TYW5: variants seen among roughly 807,000 people sequenced by gnomAD.
TYW5 encodes the protein tRNA-yW synthesizing protein 5.
A neutral mutation model predicts 44.4 loss-of-function variants in TYW5; 36 were observed. The ratio of observed to expected loss-of-function variants is 0.81; its 90% confidence interval spans 0.62 to 1.07. The LOEUF (loss-of-function observed/expected upper bound fraction) is 1.07, where lower values mean the gene tolerates loss of function less well. TYW5 is among the 50% of genes least tolerant of loss of function. TYW5 has a pLI of 0.00. For missense variants in TYW5, 354 were observed against 365.7 expected (o/e 0.97, Z 0.26); for synonymous variants, 121 against 128.1 (o/e 0.94, Z 0.37).
chr2:199,935,004 T>A (rs975887131), intron 7 of TYW5, among the ~76,000 whole-genome samples: 1 of 151,952 alleles, frequency 6.6e-6, no homozygotes, highest in Non-Finnish European at 1.5e-5. Flanking sequence ...AAGATACTTA[T>A]CATTTTTTTT....
rs1194272334 is a variant in TYW5, at chr2:199,948,150, T to G, written c.233+168A>C. On this transcript the variant is annotated intron_variant, in intron 2 of 7. Transcript: ENST00000354611. ...CTGTATAATTATGTAAACTCAGAAC[T>G]CTTGTCTTTTAAAAACCACTCTTTA... is the stretch of plus-strand genomic sequence containing the variant. 2.2e-5 allele frequency: 14 copies of G among 639,750 alleles called. No individual in the cohort carries two copies. In the East Asian group the frequency reaches 3.9e-4, roughly 18 times the overall value. 39.6% of individuals were successfully genotyped at this position (639,750 alleles called of 1,614,324 possible).
rs2077382370 is a variant in TYW5 at position 199,932,045 on chromosome 2, C to G, written c.*1022G>C. On this transcript the variant is annotated 3_prime_UTR_variant, in exon 8 of 8. Coordinates refer to ENST00000354611, the MANE Select transcript of TYW5 (RefSeq NM_001039693.3). Reference sequence around the variant, plus strand: ...TATAAATTATTTATTTTGTAACATTCAAAAACCAAAAACCACCCTGACATA... The same window carrying G: ...TATAAATTATTTATTTTGTAACATTGAAAAACCAAAAACCACCCTGACATA... 1 of 151,860 alleles carries G rather than the reference C, an allele frequency of 6.6e-6. No homozygotes were observed. The highest frequency in any genetic ancestry group is 2.1e-4 in the South Asian group (1 of 4,824). The allele number at this position is 151,860 out of a possible 1,614,324, so 9.4% of individuals were successfully genotyped here.
In TYW5 at chr2:199,948,395, A is replaced by C; in HGVS notation, c.156T>G (p.Val52=). The change falls in exon 2 of 8, where the codon GTT becomes GTG. Residue 52 remains valine, a synonymous_variant. Coordinates refer to ENST00000354611, the MANE Select transcript of TYW5 (RefSeq NM_001039693.3). The stretch of plus-strand genomic sequence containing the variant: ...GAATCTTTACTTCTTTCTTCCCTCC[A>C]ACTTGGCTTAGGTAATCCACTGTCC... The part of the protein sequence containing the change: ...SKWTVDYLSQ[V]GGKKEVKIHV... 2 of 1,614,172 alleles carry C rather than the reference A, an allele frequency of 1.2e-6. No individual in the cohort carries two copies. Among genetic ancestry groups the C allele is most frequent in the Non-Finnish European group, 1.7e-6 (2 of 1,180,022 alleles).
rs760126102 is a variant in TYW5, at chr2:199,940,115, G to A, written c.322C>T (p.Arg108Trp). Residue 108 changes from arginine (R) to tryptophan (W), a missense_variant, in exon 4 of 8, where the codon CGG becomes TGG. Arg to Trp is a moderately radical substitution (Grantham distance 101). Coordinates refer to ENST00000354611, the MANE Select transcript of TYW5 (RefSeq NM_001039693.3). ...TTTCTAGGGTCTTCTCCAAGTGACC[G>A]TAAGTAGTATTTCTCATCCTTAAAC... ...FVSEDEKYYL[R>W]SLGEDPRKDV... The A allele has an allele frequency of 1.9e-5, 30 of 1,612,290 alleles. No individual in the cohort carries two copies. The highest frequency in any genetic ancestry group is 8.9e-5 in the East Asian group (4 of 44,748).
intron 1 of TYW5, among the ~76,000 whole-genome samples, chr2:199,950,634 G>A (rs1207609240): frequency 6.6e-6 from 1 of 152,116 alleles, no homozygotes; most frequent in African/African-American, 2.4e-5. Context: ...GTGAGTGCAT[G>A]TGGGTCTGTG....
chr2:199,955,480 C>T lies in TYW5; in HGVS notation c.-10G>A, dbSNP rs2077591649. Reference sequence around the variant, plus strand: ...GGTGCTGCCCGGCCATGGTTGCTCACGCCTGCCCTCTTCCAGGTCTTCGGA... The same window carrying T: ...GGTGCTGCCCGGCCATGGTTGCTCATGCCTGCCCTCTTCCAGGTCTTCGGA... On this transcript the variant is annotated 5_prime_UTR_variant, in exon 1 of 8. In the 5' UTR this introduces an upstream ATG that the reference lacks. Coordinates refer to ENST00000354611, the MANE Select transcript of TYW5 (RefSeq NM_001039693.3). 4 of 1,613,170 alleles carry T rather than the reference C, an allele frequency of 2.5e-6. No individual in the cohort carries two copies. The highest frequency in any genetic ancestry group is 2.2e-5 in the East Asian group (1 of 44,870).
rs1404605969 is a variant in TYW5, at chr2:199,928,933, AC to A, written c.*4133del. 6.6e-6 allele frequency among the ~76,000 whole-genome samples: 1 copy of A among 152,230 alleles called. No individual in the cohort carries two copies. Among genetic ancestry groups the A allele is most frequent in the African/African-American group, 2.4e-5 (1 of 41,460 alleles). Reference sequence around the variant, plus strand: ...GCATGTTGGTATAGAAATGTTTAATACATTAAATCTTATGAGGTAAAATACA... The same window carrying A: ...GCATGTTGGTATAGAAATGTTTAATAATTAAATCTTATGAGGTAAAATACA... On this transcript the variant is annotated 3_prime_UTR_variant, in exon 8 of 8. Coordinates refer to ENST00000354611, the MANE Select transcript of TYW5 (RefSeq NM_001039693.3).
chr2:199,938,007 C>T (rs559166533), intron 5 of TYW5, among the ~76,000 whole-genome samples: 11 of 152,076 alleles, frequency 7.2e-5, no homozygotes, highest in South Asian at 4.2e-4. Context: ...GTTTTTAAAA[C>T]GCTTATAGAT....
At position 199,932,943 on chromosome 2, in the gene TYW5, C is replaced by G. The variant is rs1225473681; in HGVS notation, c.*124G>C. ...CAATCTGTATCAAGTAGAATCCACA[C>G]AAACACCCCTTCGTACTTACATAAT... is the stretch of plus-strand genomic sequence containing the variant. On this transcript the variant is annotated 3_prime_UTR_variant, in exon 8 of 8. Coordinates refer to ENST00000354611, the MANE Select transcript of TYW5 (RefSeq NM_001039693.3). The G allele has an allele frequency of 6.1e-6, 7 of 1,143,828 alleles. No individual in the cohort carries two copies. In the African/African-American group the frequency reaches 7.8e-5, roughly 13 times the overall value. 70.9% of individuals were successfully genotyped at this position (1,143,828 alleles called of 1,614,324 possible). A position where few individuals can be genotyped will look rare whatever the true frequency, so the allele number is the denominator to read the frequency against.
rs998981652 is a variant in TYW5 at position 199,929,288 on chromosome 2, TAACA to T, written c.*3775_*3778del. Among the ~76,000 whole-genome samples, 5 of 152,202 alleles carry T rather than the reference TAACA, an allele frequency of 3.3e-5. No homozygotes were observed. The highest frequency in any genetic ancestry group is 1.2e-4 in the African/African-American group (5 of 41,440). ...CCAACATGGCACATGTATACATATG[TAACA>T]AACCTGCACGTTGTGCACATGTACC... On this transcript the variant is annotated 3_prime_UTR_variant, in exon 8 of 8. Transcript: ENST00000354611.
At chr2:199,935,862 T>C (rs2077416363) in intron 7 of TYW5, 69 bp downstream of exon 7, 1 of 940,600 alleles carries the variant, frequency 1.1e-6, no homozygotes, top group Admixed American at 2.4e-5. Flanking sequence ...AAAAAAAAAA[T>C]CACATGAAGG....
rs112925116 is a variant in TYW5 at position 199,943,464 on chromosome 2, T to G, written c.303+301A>C. 608 of 232,670 alleles carry G rather than the reference T, an allele frequency of 2.6e-3. 6 individuals carry two copies. The highest frequency in any genetic ancestry group is 0.013 in the African/African-American group (557 of 43,886). 14.4% of individuals were successfully genotyped at this position (232,670 alleles called of 1,614,324 possible). On this transcript the variant is annotated intron_variant, in intron 3 of 7. Transcript: ENST00000354611. ...ACATTTAATGCGTAATTTCTATACA[T>G]CAGGCACACTGCTAAGTATTTTACT...
intron 1 of TYW5, among the ~76,000 whole-genome samples, chr2:199,952,016 C>CA (rs557573511): frequency 0.021 from 2,235 of 108,538 alleles, 21 homozygotes; most frequent in African/African-American, 0.037. Context: ...GACTCCGTCT[C>CA]AAAAAAAAAA....
In TYW5 at chr2:199,934,748, A is replaced by C. The variant is rs577924659; in HGVS notation, c.691+1183T>G. On this transcript the variant is annotated intron_variant, in intron 7 of 7. Coordinates refer to ENST00000354611, the MANE Select transcript of TYW5 (RefSeq NM_001039693.3). Reference sequence around the variant, plus strand: ...ACAACTATAAATAGAATTTGTTAATATATCCCTTTAATTTTAATTATGATT... The same window carrying C: ...ACAACTATAAATAGAATTTGTTAATCTATCCCTTTAATTTTAATTATGATT... Among the ~76,000 whole-genome samples the C allele has an allele frequency of 7.2e-5, 11 of 152,200 alleles. 1 individual carries two copies. In the South Asian group the frequency reaches 2.3e-3, roughly 32 times the overall value.
chr2:199,945,115 AG>A (rs2077494405), intron 2 of TYW5: 1 of 152,202 alleles, frequency 6.6e-6, no homozygotes, highest in Non-Finnish European at 1.5e-5. Context: ...GGAGGAACGC[AG>A]AAGCTAAGTT....
chr2:199,941,294 G>A (rs1334672001), intron 3 of TYW5, among the ~76,000 whole-genome samples: 1 of 152,140 alleles, frequency 6.6e-6, no homozygotes, highest in Non-Finnish European at 1.5e-5. Flanking sequence ...TCCGGTGTTG[G>A]CCTCCCAGAG....
chr2:199,935,756 A>G (rs1022209400), intron 7 of TYW5, among the ~76,000 whole-genome samples, 175 bp downstream of exon 7: 5 of 140,556 alleles, frequency 3.6e-5, no homozygotes, highest in Admixed American at 8.3e-5. Context: ...ACACACACAC[A>G]CACACACACA....
intron 1 of TYW5, among the ~76,000 whole-genome samples, chr2:199,949,211 A>G (rs544406777): frequency 1.2e-4 from 18 of 151,998 alleles, no homozygotes; most frequent in African/African-American, 4.3e-4. Flanking sequence ...AAAAAAAAAT[A>G]AGAAAAAGAA....
At chr2:199,936,377 A>C in intron 6 of TYW5, 28 bp downstream of exon 6, 1 of 1,576,440 alleles carries the variant, frequency 6.3e-7, no homozygotes, top group Non-Finnish European at 8.7e-7. Flanking sequence ...TAGACTTTTG[A>C]AATATAAACT....
Sources: gnomAD v4.1 joint callset for allele counts (sites outside exome capture counted in the v4.1 genomes callset) on GRCh38, gnomAD v4.1.1 for gene constraint, MANE v1.5 for transcripts, NCBI Gene and HGNC (gene_info 2026-07-23, HGNC 2026-07-21) for gene names.